Variants in CUBN observed in about 807,000 individuals in gnomAD.
CUBN encodes the protein 460 kDa receptor.
A neutral mutation model predicts 405.3 loss-of-function variants in CUBN; 282 were observed. The observed-to-expected ratio is 0.70, with a 90% CI of 0.63 to 0.77. The LOEUF is 0.77. CUBN is among the 30% of genes least tolerant of loss of function. The pLI is 0.00. For synonymous variants in CUBN, 1,684 were observed against 1,617.0 expected, an observed-to-expected ratio of 1.04 and a Z score of -0.99; for missense variants, 4,514 against 4,475.2, an observed-to-expected ratio of 1.01 and a Z score of -0.25.
intron 22 of CUBN, among the ~76,000 whole-genome samples, chr10:17,063,654 C>A (rs1835550207): frequency 6.6e-6 from 1 of 152,132 alleles, no homozygotes; most frequent in Non-Finnish European, 1.5e-5. Context: ...TGGGTTCTTT[C>A]TGCACAAAAT....
In CUBN at chr10:16,900,757, T is replaced by C. The variant is rs749282139; in HGVS notation, c.8278A>G (p.Ile2760Val). 1.7e-5 allele frequency: 28 copies of C among 1,614,102 alleles called. No homozygotes were observed. Among genetic ancestry groups the C allele is most frequent in the Non-Finnish European group, 2.4e-5 (28 of 1,179,958 alleles). Residue 2760 changes from isoleucine (I) to valine (V), a missense_variant, in exon 53 of 67, where the codon ATA (isoleucine) becomes GTA (valine). Physicochemically the swap from Ile to Val is conservative, Grantham distance 29. Around this residue, in one of 5 missense-constraint regions of CUBN, gnomAD observed 1,186 missense variants for 1,186.9 expected, o/e 1.00. Transcript: ENST00000377833. ...TTTGAATTTCCACAGTATTGTCCTA[T>C]GATGGGTGATTCAGGGGACCCACCA... ...RNGGSPESPI[I>V]GQYCGNSNPR...
At chr10:16,919,446 T>C (rs1841974271) in intron 44 of CUBN, among the ~76,000 whole-genome samples, 1 of 152,228 alleles carries the variant, frequency 6.6e-6, no homozygotes, top group Non-Finnish European at 1.5e-5. Flanking sequence ...CAATATAGTT[T>C]TTCTTTCTCT....
chr10:17,010,287 A>G (rs1406078843), intron 28 of CUBN, among the ~76,000 whole-genome samples: 1 of 152,234 alleles, frequency 6.6e-6, no homozygotes, highest in Non-Finnish European at 1.5e-5. Flanking sequence ...CATCTGTATT[A>G]TAGAGATGAA....
At chr10:16,925,160 GT>G in intron 43 of CUBN, 80 bp downstream of exon 43, 1 of 1,160,928 alleles carries the variant, frequency 8.6e-7, no homozygotes, top group South Asian at 1.3e-5. Flanking sequence ...ATTACTGTTG[GT>G]TCAGAAAAGA....
At chr10:16,835,301 A>G (rs1839136212) in intron 63 of CUBN, 106 bp from the exon 64 acceptor site, 2 of 1,023,260 alleles carry the variant, frequency 2.0e-6, no homozygotes, top group Non-Finnish European at 3.1e-6. Flanking sequence ...TAAACTTTAG[A>G]AAAAAGTAAT....
chr10:17,034,598 G>A (rs1834855740), intron 27 of CUBN, among the ~76,000 whole-genome samples: 1 of 152,160 alleles, frequency 6.6e-6, no homozygotes, highest in African/African-American at 2.4e-5. Context: ...ATTTGGTTAA[G>A]TCTGGGATGA....
At chr10:16,871,995 CAGGT>C (rs1232559168) in intron 58 of CUBN, among the ~76,000 whole-genome samples, 22 of 152,112 alleles carry the variant, frequency 1.4e-4, no homozygotes, top group African/African-American at 5.3e-4. Flanking sequence ...GAGGCCGAGG[CAGGT>C]GGACCACTTG....
At chr10:16,929,328 C>T (rs2131588728) in intron 40 of CUBN, among the ~76,000 whole-genome samples, 1 of 152,056 alleles carries the variant, frequency 6.6e-6, no homozygotes, top group East Asian at 1.9e-4. Context: ...CCGGCTGAAA[C>T]CAAAATGGAG....
intron 29 of CUBN, among the ~76,000 whole-genome samples, chr10:16,987,188 G>A (rs1833450060): frequency 6.6e-6 from 1 of 152,184 alleles, no homozygotes. Context: ...AGTAAAATCA[G>A]GCAGAGTGTT....
Position 16,876,942 on chromosome 10 carries a change from C to T in CUBN, c.9061G>A (p.Glu3021Lys), listed in dbSNP as rs41289299. The change falls in exon 57 of 67, where the codon GAG becomes AAG. Residue 3021 changes from glutamate to lysine, a missense_variant. Around this residue, in one of 5 missense-constraint regions of CUBN, gnomAD observed 1,186 missense variants for 1,186.9 expected, o/e 1.00. Coordinates refer to ENST00000377833, the MANE Select transcript of CUBN (RefSeq NM_001081.4). ...TTGAATCCGAAGTCTGTGATTTGCT[C>T]GTTGGAGTAGAAGTTAAGCAGAACC... is the stretch of plus-strand genomic sequence containing the variant. ...GPVLLNFYSNEQITDFGFKFS... is the reference protein window; with the variant it reads ...GPVLLNFYSNKQITDFGFKFS... 928 of 1,614,084 alleles carry T rather than the reference C, an allele frequency of 5.7e-4. No homozygotes were observed. The highest frequency in any genetic ancestry group is 7.6e-4 in the Non-Finnish European group (896 of 1,180,006).
Position 17,118,688 on chromosome 10 carries a change from C to T in CUBN, c.594-3091G>A, listed in dbSNP as rs751853251. Among the ~76,000 whole-genome samples, 49 of 152,166 alleles carry T rather than the reference C, an allele frequency of 3.2e-4. 1 individual carries two copies. Among genetic ancestry groups the T allele is most frequent in the Non-Finnish European group, 6.2e-4 (42 of 68,032 alleles). On this transcript the variant is annotated intron_variant, in intron 6 of 66. Transcript: ENST00000377833. ...CTGACATCAGGTGATCCACCCACCTCGGCCTCCCAAAATGCTGGGATTACA... is the reference window on the plus strand; with the variant it reads ...CTGACATCAGGTGATCCACCCACCTTGGCCTCCCAAAATGCTGGGATTACA...
intron 31 of CUBN, chr10:16,965,944 C>T (rs1415177264): frequency 4.2e-6 from 2 of 471,144 alleles, no homozygotes; most frequent in Non-Finnish European, 4.4e-6. Flanking sequence ...ATACAAACCC[C>T]ATCTGTCTGA....
chr10:16,899,353 T>C (rs1485922557), intron 53 of CUBN, among the ~76,000 whole-genome samples, 170 bp from the exon 54 acceptor site: 2 of 152,196 alleles, frequency 1.3e-5, no homozygotes, highest in East Asian at 3.8e-4. Flanking sequence ...AATGGAAAGG[T>C]GAGTTAAATT....
At chr10:17,116,764 A>G (rs1836911087) in intron 6 of CUBN, among the ~76,000 whole-genome samples, 1 of 152,146 alleles carries the variant, frequency 6.6e-6, no homozygotes, top group South Asian at 2.1e-4. Flanking sequence ...CCCCAGAACC[A>G]ATTGCTGGGG....
intron 28 of CUBN, among the ~76,000 whole-genome samples, chr10:17,000,010 T>C (rs1833835793): frequency 6.6e-6 from 1 of 152,104 alleles, no homozygotes; most frequent in African/African-American, 2.4e-5. Context: ...AGCCTCAAGG[T>C]TGTTTTCTCT....
chr10:16,959,877 T>C lies in CUBN; in HGVS notation c.4696-5329A>G, dbSNP rs143567644. 4.2e-3 allele frequency among the ~76,000 whole-genome samples: 642 copies of C among 152,348 alleles called. 5 individuals are homozygous for C. Among genetic ancestry groups the C allele is most frequent in the African/African-American group, 0.015 (613 of 41,580 alleles). Reference sequence around the variant, plus strand: ...ACATATAATTCTTACTTAAGTCTACTGCCAAGAGTTTGCTAGGCCTCAGCA... The same window carrying C: ...ACATATAATTCTTACTTAAGTCTACCGCCAAGAGTTTGCTAGGCCTCAGCA... On this transcript the variant is annotated intron_variant, in intron 31 of 66. Transcript: ENST00000377833.
chr10:16,933,182 A>G lies in CUBN; in HGVS notation c.6029T>C (p.Ile2010Thr). 7 of 1,614,096 alleles carry G rather than the reference A, an allele frequency of 4.3e-6. No individual in the cohort carries two copies. Among genetic ancestry groups the G allele is most frequent in the Non-Finnish European group, 5.9e-6 (7 of 1,180,002 alleles). The change falls in exon 40 of 67, where the codon ATC becomes ACC. Residue 2010 changes from isoleucine to threonine, a missense_variant. Coordinates refer to ENST00000377833, the MANE Select transcript of CUBN (RefSeq NM_001081.4). ...YSNRVDCTWL[I>T]QAPDSTVELN... ...TTCCACGGTAGAGTCGGGAGCCTGG[A>G]TGAGCCACGTACAGTCCACTCTATT...
At chr10:16,831,507 G>A in intron 64 of CUBN, 90 bp from the exon 65 acceptor site, 1 of 1,196,314 alleles carries the variant, frequency 8.4e-7, no homozygotes, top group Non-Finnish European at 1.2e-6. Context: ...GATGACATTG[G>A]TCGGAAAAGC....
At position 17,084,480 on chromosome 10, in the gene CUBN, C is replaced by T. The variant is rs200734388; in HGVS notation, c.2111-19G>A. On this transcript the variant is annotated intron_variant, in intron 16 of 66. Transcript: ENST00000377833. The stretch of plus-strand genomic sequence containing the variant: ...AGATCCGCTAAGAACAGGGAAGAGA[C>T]GAACAGGTCATGGCAATGGCATTGC... The T allele has an allele frequency of 3.4e-5, 55 of 1,609,194 alleles. 1 individual carries two copies. The highest frequency in any genetic ancestry group is 1.9e-4 in the Middle Eastern group (1 of 5,138).
Sources: allele counts gnomAD v4.1 joint callset (sites outside exome capture counted in the v4.1 genomes callset), GRCh38; gene constraint gnomAD v4.1.1; regional missense constraint gnomAD v4.1.1; transcripts MANE v1.5; gene names NCBI Gene and HGNC (gene_info 2026-07-23, HGNC 2026-07-21).